Variants in DDHD1 observed in about 807,000 individuals in gnomAD.
The protein encoded by DDHD1 is DDHD domain containing 1.
A neutral mutation model predicts 96.4 loss-of-function variants in DDHD1; 49 were observed. The ratio of observed to expected loss-of-function variants is 0.51; its 90% CI spans 0.40 to 0.64. The LOEUF (loss-of-function observed/expected upper bound fraction) is 0.64, where lower values mean the gene tolerates loss of function less well. DDHD1 is among the 30% of genes least tolerant of loss of function. DDHD1 has a pLI of 0.00. For missense variants in DDHD1, 1,106 were observed against 1,161.2 expected (o/e 0.95, Z 0.69); for synonymous variants, 442 against 446.5 (o/e 0.99, Z 0.13).
intron 1 of DDHD1, among the ~76,000 whole-genome samples, chr14:53,123,168 A>T (rs1889143422): frequency 6.9e-6 from 1 of 143,934 alleles, no homozygotes; most frequent in South Asian, 2.2e-4. Context: ...TTATTTTGAG[A>T]TGGAGTATTA....
rs376602911 is a variant in DDHD1 at position 53,058,612 on chromosome 14, G to C, written c.1857C>G (p.Phe619Leu). Residue 619 changes from phenylalanine to leucine, a missense_variant, in exon 9 of 13, where the codon TTC becomes TTG. Transcript: ENST00000673822. The stretch of plus-strand genomic sequence containing the variant: ...AAACTGCTAATGGGGATCCCATACA[G>C]AAGAAATTCTCAACCTAAAATGATA... ...PALKFKVENF[F>L]CMGSPLAVFL... is the part of the protein sequence containing the mutation. 1.2e-6 allele frequency: 2 copies of C among 1,601,326 alleles called. No individual in the cohort carries two copies. The highest frequency in any genetic ancestry group is 2.3e-5 in the South Asian group (2 of 87,160).
intron 1 of DDHD1, among the ~76,000 whole-genome samples, chr14:53,134,969 C>A (rs189897146): frequency 6.6e-6 from 1 of 152,154 alleles, no homozygotes; most frequent in Non-Finnish European, 1.5e-5. Context: ...TAATCTCTCC[C>A]ACTATAGGTT....
At chr14:53,075,659 C>G (rs1884893296) in intron 4 of DDHD1, among the ~76,000 whole-genome samples, 1 of 152,134 alleles carries the variant, frequency 6.6e-6, no homozygotes, top group Non-Finnish European at 1.5e-5. Context: ...ACAAAAAAGC[C>G]TTTGGACTTT....
intron 4 of DDHD1, among the ~76,000 whole-genome samples, chr14:53,077,223 C>A (rs1885046674): frequency 6.6e-6 from 1 of 152,168 alleles, no homozygotes; most frequent in South Asian, 2.1e-4. Context: ...CATAGGTACA[C>A]ACAACTTCTT....
At position 53,041,523 on chromosome 14, in the gene DDHD1, T is replaced by C. The variant is rs1881649037; in HGVS notation, c.*5245A>G. The C allele has an allele frequency of 6.6e-6, 1 of 152,212 alleles. No homozygotes were observed. Among genetic ancestry groups the C allele is most frequent in the Non-Finnish European group, 1.5e-5 (1 of 68,030 alleles). The allele number at this position is 152,212 out of a possible 1,614,324, so 9.4% of individuals were successfully genotyped here. A position where few individuals can be genotyped will look rare whatever the true frequency, so the allele number is the denominator to read the frequency against. On this transcript the variant is annotated 3_prime_UTR_variant, in exon 13 of 13. Transcript: ENST00000673822. ...AACAGTTTTGGAGGTGACCTATTTG[T>C]CATGAATTGATAAAAGGCCCACATA...
chr14:53,103,052 C>G (rs1402597444), intron 2 of DDHD1: 6 of 1,567,594 alleles, frequency 3.8e-6, no homozygotes, highest in Non-Finnish European at 5.2e-6. Context: ...ATCCCACTGC[C>G]TGCAGTAAAT....
rs1048874305 is a variant in DDHD1 at position 53,036,776 on chromosome 14, A to T, written c.*9992T>A. Reference sequence around the variant, plus strand: ...CATATTGCTTTTGTGTTTTTTAATAAAAAATATTTCAACTTTTCATTTAGA... The same window carrying T: ...CATATTGCTTTTGTGTTTTTTAATATAAAATATTTCAACTTTTCATTTAGA... On this transcript the variant is annotated 3_prime_UTR_variant, in exon 13 of 13. Transcript: ENST00000673822. 6.6e-6 allele frequency: 1 copy of T among 152,122 alleles called. No individual in the cohort carries two copies. The highest frequency in any genetic ancestry group is 1.5e-5 in the Non-Finnish European group (1 of 68,012). The allele number at this position is 152,122 out of a possible 1,614,324, so 9.4% of individuals were successfully genotyped here.
At chr14:53,145,576 G>C (rs1039580643) in intron 1 of DDHD1, among the ~76,000 whole-genome samples, 1 of 148,048 alleles carries the variant, frequency 6.8e-6, no homozygotes, top group Non-Finnish European at 1.5e-5. Context: ...GTTTCTCAAA[G>C]GATATCCTGC....
intron 7 of DDHD1, among the ~76,000 whole-genome samples, chr14:53,061,585 T>G (rs982767240): frequency 1.3e-5 from 2 of 151,360 alleles, no homozygotes; most frequent in African/African-American, 4.8e-5. Flanking sequence ...CTACTTCAAT[T>G]TTTTTTTTGT....
In DDHD1 at chr14:53,062,941, AC is replaced by A; in HGVS notation, c.1766+1del. 1 of 1,607,804 alleles carries A rather than the reference AC, an allele frequency of 6.2e-7. No individual in the cohort carries two copies. Among genetic ancestry groups the A allele is most frequent in the Non-Finnish European group, 8.5e-7 (1 of 1,175,634 alleles). On this transcript the variant is annotated splice_donor_variant, in intron 7 of 12. Coordinates refer to ENST00000673822, the MANE Select transcript of DDHD1 (RefSeq NM_001160148.2). LOFTEE classifies it high-confidence loss of function. ...ATTTTTCAAAAGATGAGGATATTTT[AC>A]CGTCGTTTAGTTATATAGAGTTCAT... is the stretch of plus-strand genomic sequence containing the variant.
intron 9 of DDHD1, among the ~76,000 whole-genome samples, chr14:53,056,192 A>G (rs1407235614): frequency 6.6e-6 from 1 of 152,170 alleles, no homozygotes; most frequent in Non-Finnish European, 1.5e-5. Flanking sequence ...AATTAGATTT[A>G]TTTTAGTCTT....
At chr14:53,119,493 G>T (rs2139791473) in intron 1 of DDHD1, among the ~76,000 whole-genome samples, 1 of 152,218 alleles carries the variant, frequency 6.6e-6, no homozygotes, top group East Asian at 1.9e-4. Flanking sequence ...CTGGCAGAGA[G>T]ACAACAAAGA....
chr14:53,103,381 C>G (rs964314704), intron 2 of DDHD1: 1 of 352,912 alleles, frequency 2.8e-6, no homozygotes, highest in Non-Finnish European at 5.0e-6. Flanking sequence ...GTTCAATTTC[C>G]TTTGATAACT....
intron 1 of DDHD1, among the ~76,000 whole-genome samples, chr14:53,143,477 A>G (rs535663643): frequency 2.0e-3 from 299 of 152,344 alleles, no homozygotes; most frequent in Non-Finnish European, 3.7e-3. Context: ...AGAGTGCACC[A>G]AACAAAGGAG....
At position 53,072,646 on chromosome 14, in the gene DDHD1, C is replaced by G; in HGVS notation, c.1454G>C (p.Ser485Thr). The change falls in exon 6 of 13, where the codon AGC becomes ACC. Residue 485 changes from serine (S) to threonine (T), a missense_variant. This residue lies in a region of DDHD1 where 650 missense variants were observed against 758.8 expected (regional missense o/e 0.86). Transcript: ENST00000673822. Reference protein sequence around the residue: ...KVRGLRDMLNSSAMDIMYYTS... With the variant: ...KVRGLRDMLNTSAMDIMYYTS... The stretch of plus-strand genomic sequence containing the variant: ...ATAATACATTATGTCCATTGCACTG[C>G]TGTTCAGCATATCCCTTAAACCTCG... 1.2e-6 allele frequency: 2 copies of G among 1,610,514 alleles called. No homozygotes were observed. The highest frequency in any genetic ancestry group is 1.7e-6 in the Non-Finnish European group (2 of 1,177,610).
chr14:53,139,530 C>G (rs1890486392), intron 1 of DDHD1, among the ~76,000 whole-genome samples: 1 of 151,988 alleles, frequency 6.6e-6, no homozygotes, highest in South Asian at 2.1e-4. Flanking sequence ...AAACACAGAT[C>G]AACTCCCAAC....
rs148388204 is a variant in DDHD1 at position 53,133,912 on chromosome 14, C to T, written c.838+18349G>A. Among the ~76,000 whole-genome samples, 936 of 152,242 alleles carry T rather than the reference C, an allele frequency of 6.1e-3. 6 individuals carry two copies. Among genetic ancestry groups the T allele is most frequent in the Middle Eastern group, 0.034 (10 of 294 alleles). On this transcript the variant is annotated intron_variant, in intron 1 of 12. Coordinates refer to ENST00000673822, the MANE Select transcript of DDHD1 (RefSeq NM_001160148.2). ...AGACCCTACTTAGTCATCTATAGTACCCCAACTGCCGTCCGCCTACAGGAC... is the reference window on the plus strand; with the variant it reads ...AGACCCTACTTAGTCATCTATAGTATCCCAACTGCCGTCCGCCTACAGGAC...
At chr14:53,148,176 T>C (rs774506463) in intron 1 of DDHD1, among the ~76,000 whole-genome samples, 28 of 152,186 alleles carry the variant, frequency 1.8e-4, no homozygotes, top group Admixed American at 3.9e-4. Flanking sequence ...AAGAAATCTG[T>C]GGTTTATAGT....
In DDHD1 at chr14:53,041,548, A is replaced by G. The variant is rs1393878729; in HGVS notation, c.*5220T>C. 1 of 152,244 alleles carries G rather than the reference A, an allele frequency of 6.6e-6. No individual in the cohort carries two copies. The highest frequency in any genetic ancestry group is 6.5e-5 in the Admixed American group (1 of 15,286). 9.4% of individuals were successfully genotyped at this position (152,244 alleles called of 1,614,324 possible). ...TCATGAATTGATAAAAGGCCCACAT[A>G]AACACTATGGAAAGGAATGTTAAAC... is the stretch of plus-strand genomic sequence containing the variant. On this transcript the variant is annotated 3_prime_UTR_variant, in exon 13 of 13. Transcript: ENST00000673822.
Sources: gnomAD v4.1 joint callset for allele counts (sites outside exome capture counted in the v4.1 genomes callset) on GRCh38, gnomAD v4.1.1 for gene constraint, gnomAD v4.1.1 regional missense constraint, MANE v1.5 for transcripts, NCBI Gene and HGNC (gene_info 2026-07-23, HGNC 2026-07-21) for gene names.